MATN4: variants seen among roughly 807,000 people sequenced by gnomAD.
The protein encoded by MATN4 is matrilin 4.
A neutral mutation model predicts 54.6 loss-of-function variants in MATN4; 40 were observed. The ratio of observed to expected loss-of-function variants is 0.73; its 90% CI spans 0.57 to 0.95. MATN4 has a LOEUF of 0.95. MATN4 is among the 40% of genes least tolerant of loss of function. The pLI is 0.00. For synonymous variants in MATN4, 351 were observed against 345.3 expected (o/e 1.02, Z -0.18); for missense variants, 810 against 819.1 (o/e 0.99, Z 0.13).
chr20:45,304,285 C>A lies in MATN4; in HGVS notation c.586G>T (p.Val196Leu). 1 of 1,553,766 alleles carries A rather than the reference C, an allele frequency of 6.4e-7. No individual in the cohort carries two copies. Among genetic ancestry groups the A allele is most frequent in the Non-Finnish European group, 8.7e-7 (1 of 1,152,882 alleles). The change falls in exon 3 of 10, where the codon GTA (valine) becomes TTA (leucine). Residue 196 changes from valine to leucine, a missense_variant. Coordinates refer to ENST00000372756, the MANE Select transcript of MATN4 (RefSeq NM_001393530.1). Reference protein sequence around the residue: ...SPPLDEHVFLVESFDLIQEFG... With the variant: ...SPPLDEHVFLLESFDLIQEFG... ...TCCTGGATGAGGTCGAAGGACTCTACGAGGAAGACGTGCTCGTCTAGCGGG... is the reference window on the plus strand; with the variant it reads ...TCCTGGATGAGGTCGAAGGACTCTAAGAGGAAGACGTGCTCGTCTAGCGGG...
intron 8 of MATN4, among the ~76,000 whole-genome samples, 168 bp from the exon 9 acceptor site, chr20:45,294,183 T>A (rs1331862723): frequency 6.6e-6 from 1 of 152,196 alleles, no homozygotes; most frequent in Admixed American, 6.5e-5. Flanking sequence ...TCACTAACCT[T>A]TCTAAGCTCA....
rs761959988 is a variant in MATN4 at position 45,301,136 on chromosome 20, G to T, written c.855C>A (p.Gly285=). 6.2e-7 allele frequency: 1 copy of T among 1,614,076 alleles called. No individual in the cohort carries two copies. The highest frequency in any genetic ancestry group is 1.1e-5 in the South Asian group (1 of 91,092). ...TCCTCCCATCAGGCTGCAAGTCATG[G>T]CCCTCTCTGCAGTGGCACCGTGGCC... ...PGGPRCHCRE[G]HDLQPDGRSC... The change falls in exon 5 of 10, where the codon GGC becomes GGA. Residue 285 remains glycine (G), a synonymous_variant. Coordinates refer to ENST00000372756, the MANE Select transcript of MATN4 (RefSeq NM_001393530.1).
chr20:45,296,427 C>A (rs1414907129), intron 8 of MATN4, among the ~76,000 whole-genome samples: 1 of 152,040 alleles, frequency 6.6e-6, no homozygotes, highest in African/African-American at 2.4e-5. Flanking sequence ...GAACAAACTG[C>A]TGGAATCCAG....
intron 1 of MATN4, among the ~76,000 whole-genome samples, chr20:45,307,783 T>A (rs1271149736): frequency 1.3e-5 from 2 of 152,098 alleles, no homozygotes; most frequent in African/African-American, 4.8e-5. Context: ...GAAGGGTACA[T>A]GGCGATGTCG....
rs764996522 is a variant in MATN4 at position 45,298,135 on chromosome 20, C to G, written c.1426+35G>C. 3 of 1,601,162 alleles carry G rather than the reference C, an allele frequency of 1.9e-6. No individual in the cohort carries two copies. In the South Asian group the frequency reaches 3.3e-5, roughly 18 times the overall value. On this transcript the variant is annotated intron_variant, in intron 7 of 9. Coordinates refer to ENST00000372756, the MANE Select transcript of MATN4 (RefSeq NM_001393530.1). This position sits in a 1 kb window ranked among gnomAD's most constrained non-coding sequence, Gnocchi z 4.6. The stretch of plus-strand genomic sequence containing the variant: ...GAAAGCTGCCTCCCAGCGTCTGACC[C>G]AACCCCAGCCCACTGTGTCCCATGC...
chr20:45,296,473 A>G (rs547146689), intron 8 of MATN4, among the ~76,000 whole-genome samples: 113 of 152,280 alleles, frequency 7.4e-4, no homozygotes, highest in African/African-American at 2.6e-3. Flanking sequence ...GTTTCTCTAA[A>G]CAAAGGGTTG....
chr20:45,308,411 G>T (rs111742158), upstream of MATN4: 1,637 of 600,850 alleles, frequency 2.7e-3, 19 homozygotes, highest in African/African-American at 0.027. Context: ...TCCTCCTGAG[G>T]GGGGGCAAAC....
upstream of MATN4, chr20:45,308,391 G>A: frequency 1.6e-6 from 1 of 619,866 alleles, no homozygotes; most frequent in South Asian, 1.9e-5. Context: ...GGCAGGGAGG[G>A]ATCCCCCCTT....
chr20:45,304,107 G>A (rs1347822546), intron 3 of MATN4, 121 bp downstream of exon 3: 3 of 843,662 alleles, frequency 3.6e-6, no homozygotes, highest in South Asian at 5.2e-5. Flanking sequence ...CGGTAGGTCA[G>A]GGCAACTCTA....
chr20:45,303,339 C>T (rs959548238), intron 3 of MATN4: 4 of 692,654 alleles, frequency 5.8e-6, no homozygotes, highest in East Asian at 2.7e-5. Flanking sequence ...CAATGGAGAG[C>T]CAAAGAAGGT....
chr20:45,307,170 C>G (rs559871686), intron 1 of MATN4, among the ~76,000 whole-genome samples: 4 of 152,272 alleles, frequency 2.6e-5, no homozygotes, highest in Non-Finnish European at 5.9e-5. Context: ...CAGCTCCTAC[C>G]CCACCGCCGC....
intron 3 of MATN4, among the ~76,000 whole-genome samples, chr20:45,302,468 G>A (rs1397918249): frequency 6.6e-6 from 1 of 152,184 alleles, no homozygotes; most frequent in East Asian, 1.9e-4. Flanking sequence ...GGTATTCTAT[G>A]CCATAGCTTT....
Position 45,300,939 on chromosome 20 carries a change from G to C in MATN4, c.960C>G (p.Arg320=). 6.2e-7 allele frequency: 1 copy of C among 1,613,954 alleles called. No individual in the cohort carries two copies. ...GTTGCCGCCCCTCGGGGCACAGGCA[G>C]CGGTAGGAGAGGCCCTCGCTCACAC... ...FQCVSEGLSY[R]CLCPEGRQLQ... The change falls in exon 6 of 10, where the codon CGC becomes CGG. Residue 320 remains arginine, a synonymous_variant. Coordinates refer to ENST00000372756, the MANE Select transcript of MATN4 (RefSeq NM_001393530.1).
intron 1 of MATN4, chr20:45,306,963 G>A (rs751026413): frequency 9.6e-6 from 12 of 1,249,978 alleles, no homozygotes; most frequent in African/African-American, 4.7e-5. Context: ...TTACCCTCCC[G>A]AGGCCCCGGA....
chr20:45,296,317 C>G (rs2741511), intron 8 of MATN4, among the ~76,000 whole-genome samples: 78,109 of 149,432 alleles, frequency 0.52, 21,425 homozygotes, highest in African/African-American at 0.67. Context: ...AAGGATTACA[C>G]GTGGTGAAAT....
chr20:45,298,419 C>G lies in MATN4; in HGVS notation c.1177G>C (p.Val393Leu). 4 of 1,613,072 alleles carry G rather than the reference C, an allele frequency of 2.5e-6. No individual in the cohort carries two copies. The highest frequency in any genetic ancestry group is 3.4e-6 in the Non-Finnish European group (4 of 1,179,738). ...RVGLVQFSSR[V>L]RTEFPLGRYG... ...CGACCCAGAGGGAACTCGGTGCGCA[C>G]GCGGCTCGAGAACTGCACCAGCCCC... Residue 393 changes from valine (V) to leucine (L), a missense_variant, in exon 7 of 10, where the codon GTG becomes CTG. By Grantham distance (32) the Val-to-Leu change is conservative. Transcript: ENST00000372756. This position sits in a 1 kb window ranked among gnomAD's most constrained non-coding sequence, Gnocchi z 4.6.
At chr20:45,297,661 A>G (rs1483080661) in intron 8 of MATN4, among the ~76,000 whole-genome samples, 1 of 152,180 alleles carries the variant, frequency 6.6e-6, no homozygotes, top group Non-Finnish European at 1.5e-5. Flanking sequence ...TATGCTTACA[A>G]ATCACCTGAG....
intron 4 of MATN4, 44 bp from the exon 5 acceptor site, chr20:45,301,268 G>A (rs201534295): frequency 1.2e-6 from 2 of 1,602,590 alleles, no homozygotes; most frequent in African/African-American, 1.3e-5. Context: ...TCTGATTGGA[G>A]CCCTCGGAGG....
chr20:45,293,962 G>C lies in MATN4; in HGVS notation c.1633C>G (p.Leu545Val). ...ELRSPCECES[L>V]VEFQGRTLGA... Reference sequence around the variant, plus strand: ...AGCGTGCGGCCCTGGAACTCCACGAGGCTTTCGCATTCGCATGGGCTCCGA... The same window carrying C: ...AGCGTGCGGCCCTGGAACTCCACGACGCTTTCGCATTCGCATGGGCTCCGA... Residue 545 changes from leucine to valine, a missense_variant, in exon 9 of 10, where the codon CTC (leucine) becomes GTC (valine). Leu to Val is a conservative substitution (Grantham distance 32). Transcript: ENST00000372756. 1 of 1,603,680 alleles carries C rather than the reference G, an allele frequency of 6.2e-7. No homozygotes were observed. The highest frequency in any genetic ancestry group is 8.5e-7 in the Non-Finnish European group (1 of 1,179,490).
Sources: gnomAD v4.1 joint callset for allele counts (sites outside exome capture counted in the v4.1 genomes callset) on GRCh38, gnomAD v4.1.1 for gene constraint, Gnocchi (gnomAD v3.1) non-coding constraint, MANE v1.5 for transcripts, NCBI Gene and HGNC (gene_info 2026-07-23, HGNC 2026-07-21) for gene names.